Variants in POM121 observed in about 807,000 individuals in gnomAD.
POM121 encodes the protein POM121 transmembrane nucleoporin, also known as nuclear envelope pore membrane protein POM 121.
POM121 carries 32 observed loss-of-function variants against 81.3 expected under a neutral mutation model. That is an observed-to-expected ratio of 0.39 (90% CI 0.30 to 0.53). The LOEUF is 0.53. POM121 is among the 20% of genes least tolerant of loss of function. POM121 has a pLI of 0.66. For synonymous variants in POM121, 514 were observed against 694.2 expected (o/e 0.74, Z 4.08); for missense variants, 1,138 against 1,614.6 (o/e 0.70, Z 5.06).
At position 72,928,454 on chromosome 7, in the gene POM121, T is replaced by C; in HGVS notation, c.1092T>C (p.Ser364=). The change falls in exon 4 of 13, where the codon TCT becomes TCC. Residue 364 remains serine (S), a synonymous_variant. Coordinates refer to ENST00000434423, the MANE Select transcript of POM121 (RefSeq NM_001387691.1). ...EPLVANGVPA[S]FVPKPGSLKR... ...TGGTGGCCAATGGAGTCCCCGCTTC[T>C]TTTGTGCCTAAGTAAGTGGGAGTCC... 1 of 1,614,194 alleles carries C rather than the reference T, an allele frequency of 6.2e-7. No homozygotes were observed.
At chr7:72,944,820 G>C (rs1797506803) in intron 11 of POM121, among the ~76,000 whole-genome samples, 1 of 152,096 alleles carries the variant, frequency 6.6e-6, no homozygotes, top group Non-Finnish European at 1.5e-5. Flanking sequence ...GGGGTGGCAG[G>C]GTTGAGGGGC....
chr7:72,887,261 A>G (rs1310664658), intron 1 of POM121, among the ~76,000 whole-genome samples: 4 of 151,958 alleles, frequency 2.6e-5, no homozygotes, highest in African/African-American at 9.7e-5. Flanking sequence ...CATTTGGAAT[A>G]GAACGATGAA....
At chr7:72,945,797 G>A in intron 12 of POM121, 89 bp downstream of exon 12, 2 of 1,514,448 alleles carry the variant, frequency 1.3e-6, no homozygotes, top group South Asian at 1.3e-5. Context: ...GAGGCCCGGT[G>A]AAGATCAGGT....
chr7:72,920,996 C>T (rs1469186640), upstream of POM121, among the ~76,000 whole-genome samples: 1 of 152,060 alleles, frequency 6.6e-6, no homozygotes, highest in Non-Finnish European at 1.5e-5. Flanking sequence ...GCCTGGCCAA[C>T]ATGGTGAAAC....
At chr7:72,892,001 A>G (rs376176560) in intron 3 of POM121, among the ~76,000 whole-genome samples, 2 of 152,158 alleles carry the variant, frequency 1.3e-5, no homozygotes, top group Non-Finnish European at 2.9e-5. Context: ...TCTTTCCCCA[A>G]TGCTCATTTA....
At chr7:72,931,051 A>C (rs750394031) in intron 5 of POM121, among the ~76,000 whole-genome samples, 17 of 152,164 alleles carry the variant, frequency 1.1e-4, no homozygotes, top group Admixed American at 2.0e-4. Flanking sequence ...TTTTGAGAGG[A>C]GGAAGATTTT....
At chr7:72,932,007 C>T (rs1475031417) in intron 5 of POM121, among the ~76,000 whole-genome samples, 4 of 149,732 alleles carry the variant, frequency 2.7e-5, no homozygotes, top group East Asian at 3.9e-4. Context: ...ATCAATATAT[C>T]GTGTTTTAAA....
chr7:72,924,436 A>G (rs1336751525), upstream of POM121: 9 of 152,192 alleles, frequency 5.9e-5, no homozygotes, highest in Admixed American at 2.0e-4. Context: ...AAACAGCTTT[A>G]TTAAGATATA....
At chr7:72,908,171 C>G (rs1300580043) in intron 3 of POM121, among the ~76,000 whole-genome samples, 3 of 152,154 alleles carry the variant, frequency 2.0e-5, no homozygotes, top group African/African-American at 7.2e-5. Flanking sequence ...GGAACCCGCC[C>G]CTGATAATTC....
chr7:72,904,686 CAG>C (rs1793061800), intron 3 of POM121, among the ~76,000 whole-genome samples: 1 of 152,140 alleles, frequency 6.6e-6, no homozygotes, highest in Admixed American at 6.5e-5. Flanking sequence ...TTTCTTGATT[CAG>C]TGTTCATTTG....
rs558407115 is a variant in POM121 at position 72,946,344 on chromosome 7, A to G, written c.*110A>G. 2 of 1,457,990 alleles carry G rather than the reference A, an allele frequency of 1.4e-6. No homozygotes were observed. Among genetic ancestry groups the G allele is most frequent in the South Asian group, 2.8e-5 (2 of 70,316 alleles). The allele number at this position is 1,457,990 out of a possible 1,614,324, so 90.3% of individuals were successfully genotyped here. A position where few individuals can be genotyped will look rare whatever the true frequency, so the allele number is the denominator to read the frequency against. On this transcript the variant is annotated 3_prime_UTR_variant, in exon 13 of 13. Coordinates refer to ENST00000434423, the MANE Select transcript of POM121 (RefSeq NM_001387691.1). ...GTTGCGTAAAGCAAACCTACCCCGG[A>G]TCTCTGGCTTCAGCCGCCAGGGGGC...
intron 4 of POM121, among the ~76,000 whole-genome samples, chr7:72,917,766 A>G (rs1554495326): frequency 6.6e-6 from 1 of 152,208 alleles, no homozygotes; most frequent in East Asian, 1.9e-4. Context: ...ACAAAGAGAT[A>G]AAAGAAAAGA....
chr7:72,946,082 G>A, intron 12 of POM121, 55 bp from the exon 13 acceptor site: 6 of 1,596,212 alleles, frequency 3.8e-6, no homozygotes, highest in Non-Finnish European at 4.3e-6. Context: ...TGGGCACCCA[G>A]AGTCAGAGTC....
intron 3 of POM121, among the ~76,000 whole-genome samples, chr7:72,892,332 T>A (rs1791378780): frequency 6.6e-6 from 1 of 152,204 alleles, no homozygotes; most frequent in Admixed American, 6.5e-5. Flanking sequence ...TTCACTTCCT[T>A]CTTTCTCAGA....
intron 4 of POM121, among the ~76,000 whole-genome samples, chr7:72,916,508 C>T (rs537586003): frequency 2.0e-5 from 3 of 152,294 alleles, no homozygotes; most frequent in South Asian, 4.1e-4. Context: ...GGTCTCTATT[C>T]TGTTCCATTG....
downstream of POM121, chr7:72,950,129 C>G: frequency 6.2e-7 from 1 of 1,603,216 alleles, no homozygotes; most frequent in Non-Finnish European, 8.5e-7. Flanking sequence ...GCGGGAAACA[C>G]CAGCAGCTCC....
intron 1 of POM121, among the ~76,000 whole-genome samples, chr7:72,885,868 C>T (rs1221960464): frequency 6.6e-6 from 1 of 151,270 alleles, no homozygotes; most frequent in Non-Finnish European, 1.5e-5. Flanking sequence ...TGTTTGTCTT[C>T]CTTCCTTTTG....
chr7:72,930,464 G>GT (rs1795906004), intron 5 of POM121, among the ~76,000 whole-genome samples: 1 of 152,250 alleles, frequency 6.6e-6, no homozygotes, highest in Non-Finnish European at 1.5e-5. Flanking sequence ...ATGTACAGCA[G>GT]TGCATGTGTG....
Position 72,925,644 on chromosome 7 carries a change from C to T in POM121, c.523C>T (p.Pro175Ser), listed in dbSNP as rs1175880411. ...ACCTGCCCGCCCGGCGCCGCGCTCCCCACCGCCGCGCTCCCCACCGCCGCG... is the reference window on the plus strand; with the variant it reads ...ACCTGCCCGCCCGGCGCCGCGCTCCTCACCGCCGCGCTCCCCACCGCCGCG... The part of the protein sequence containing the change: ...RPPARPAPRS[P>S]PPRSPPPRSP... Residue 175 changes from proline (P) to serine (S), a missense_variant, in exon 1 of 13, where the codon CCA (proline) becomes TCA (serine). Pro to Ser is a moderately conservative substitution (Grantham distance 74). Around this residue, in one of 7 missense-constraint regions of POM121, gnomAD observed 646 missense variants for 633.5 expected, o/e 1.02. Transcript: ENST00000434423. The T allele has an allele frequency of 3.9e-6, 4 of 1,014,478 alleles. No homozygotes were observed. The highest frequency in any genetic ancestry group is 7.4e-5 in the South Asian group (2 of 27,088). The allele number at this position is 1,014,478 out of a possible 1,614,324, so 62.8% of individuals were successfully genotyped here.
Sources: gnomAD v4.1 joint callset for allele counts (sites outside exome capture counted in the v4.1 genomes callset) on GRCh38, gnomAD v4.1.1 for gene constraint, gnomAD v4.1.1 regional missense constraint, MANE v1.5 for transcripts, NCBI Gene and HGNC (gene_info 2026-07-23, HGNC 2026-07-21) for gene names.